Variants in DOK6 observed in about 807,000 individuals in gnomAD.
DOK6 encodes the protein docking protein 6.
DOK6 carries 22 observed loss-of-function variants against 44.0 expected under a neutral mutation model. The ratio of observed to expected loss-of-function variants is 0.50; its 90% confidence interval spans 0.36 to 0.71. The LOEUF is 0.71. DOK6 is among the 30% of genes least tolerant of loss of function. The pLI is 0.00. For missense variants in DOK6, 340 were observed against 416.4 expected, an observed-to-expected ratio of 0.82 and a Z score of 1.60; for synonymous variants, 166 against 145.5, an observed-to-expected ratio of 1.14 and a Z score of -1.01.
At chr18:69,729,280 G>A (rs941876598) in intron 5 of DOK6, among the ~76,000 whole-genome samples, 12 of 151,904 alleles carry the variant, frequency 7.9e-5, no homozygotes, top group South Asian at 6.2e-4. Context: ...GTTAAACCTC[G>A]CTTTGTTATT....
intron 5 of DOK6, among the ~76,000 whole-genome samples, chr18:69,727,161 G>C (rs1382751254): frequency 1.3e-5 from 2 of 152,122 alleles, no homozygotes; most frequent in Non-Finnish European, 2.9e-5. Flanking sequence ...ACCAGGCCTA[G>C]GTCTCTTTTA....
At chr18:69,553,278 GT>G (rs1225749910) in intron 1 of DOK6, among the ~76,000 whole-genome samples, 1 of 152,192 alleles carries the variant, frequency 6.6e-6, no homozygotes, top group Non-Finnish European at 1.5e-5. Context: ...TGTGCATAGT[GT>G]AAGTCTATTC....
At chr18:69,763,462 A>T (rs1979625448) in intron 7 of DOK6, among the ~76,000 whole-genome samples, 1 of 152,106 alleles carries the variant, frequency 6.6e-6, no homozygotes, top group Non-Finnish European at 1.5e-5. Context: ...ATGATTTTAA[A>T]CTCGCAACTC....
chr18:69,437,603 T>G (rs2122436205), intron 1 of DOK6, among the ~76,000 whole-genome samples: 1 of 152,312 alleles, frequency 6.6e-6, no homozygotes, highest in South Asian at 2.1e-4. Context: ...TCAGGTAGTG[T>G]GATGCCTCCA....
chr18:69,487,247 G>C (rs1392893943), intron 1 of DOK6, among the ~76,000 whole-genome samples: 1 of 151,058 alleles, frequency 6.6e-6, no homozygotes, highest in African/African-American at 2.4e-5. Context: ...GTGTGTGTTG[G>C]GGGGTATCAG....
chr18:69,547,172 C>A (rs1320760338), intron 1 of DOK6, among the ~76,000 whole-genome samples: 1 of 151,612 alleles, frequency 6.6e-6, no homozygotes, highest in African/African-American at 2.4e-5. Context: ...GTGATCTTGG[C>A]TCACTGCAAC....
In DOK6 at chr18:69,848,469, A is replaced by C. The variant is rs1298704709; in HGVS notation, c.*7086A>C. Reference sequence around the variant, plus strand: ...AATTTGGGGACATCTGTACTTAAAAACTAGCTGAACTACGTTTTGGGATGA... The same window carrying C: ...AATTTGGGGACATCTGTACTTAAAACCTAGCTGAACTACGTTTTGGGATGA... On this transcript the variant is annotated 3_prime_UTR_variant, in exon 8 of 8. Transcript: ENST00000382713. 1 of 152,200 alleles carries C rather than the reference A, an allele frequency of 6.6e-6. No homozygotes were observed. Among genetic ancestry groups the C allele is most frequent in the Admixed American group, 6.5e-5 (1 of 15,276 alleles). The allele number at this position is 152,200 out of a possible 1,614,324, so 9.4% of individuals were successfully genotyped here.
chr18:69,590,901 T>C (rs980197479), intron 2 of DOK6, among the ~76,000 whole-genome samples: 4 of 151,998 alleles, frequency 2.6e-5, no homozygotes, highest in African/African-American at 9.7e-5. Context: ...CAGGAGGAGG[T>C]TATACATGGA....
At chr18:69,453,749 C>T (rs1194815190) in intron 1 of DOK6, among the ~76,000 whole-genome samples, 1 of 55,942 alleles carries the variant, frequency 1.8e-5, no homozygotes, top group Non-Finnish European at 3.0e-5. Flanking sequence ...TCAGAAATAA[C>T]GCCGCATACC....
chr18:69,839,823 A>G (rs910480746), intron 7 of DOK6, among the ~76,000 whole-genome samples: 1 of 152,210 alleles, frequency 6.6e-6, no homozygotes, highest in African/African-American at 2.4e-5. Context: ...GTGGGGCAGG[A>G]GGTGCGAGGG....
intron 4 of DOK6, among the ~76,000 whole-genome samples, chr18:69,694,164 C>T (rs1424303678): frequency 6.6e-6 from 1 of 151,604 alleles, no homozygotes; most frequent in Non-Finnish European, 1.5e-5. Flanking sequence ...CCATTCAGTC[C>T]CCTCTCGTTC....
chr18:69,744,925 T>TAA (rs58133144), intron 6 of DOK6, among the ~76,000 whole-genome samples: 4,684 of 89,528 alleles, frequency 0.052, 218 homozygotes, highest in Middle Eastern at 0.095. Flanking sequence ...ACACTCCATC[T>TAA]AAAAAAAAAA....
intron 5 of DOK6, among the ~76,000 whole-genome samples, chr18:69,708,981 A>G (rs1179270502): frequency 6.6e-6 from 1 of 152,168 alleles, no homozygotes; most frequent in Non-Finnish European, 1.5e-5. Flanking sequence ...ACACCAGAGC[A>G]TGATTTTGTA....
chr18:69,566,237 C>T (rs1268063573), intron 2 of DOK6, among the ~76,000 whole-genome samples: 2 of 151,786 alleles, frequency 1.3e-5, no homozygotes, highest in Non-Finnish European at 2.9e-5. Flanking sequence ...TTCGGGTTCA[C>T]ACCATTCTCC....
chr18:69,649,100 G>A (rs1371553978), intron 3 of DOK6, among the ~76,000 whole-genome samples: 1 of 152,202 alleles, frequency 6.6e-6, no homozygotes, highest in African/African-American at 2.4e-5. Context: ...CACTGGAGAA[G>A]TCTGTGGATA....
At chr18:69,841,156 TA>T in intron 7 of DOK6, 87 bp from the exon 8 acceptor site, 1 of 1,506,210 alleles carries the variant, frequency 6.6e-7, no homozygotes, top group African/African-American at 1.4e-5. Flanking sequence ...AAAATATAGA[TA>T]GATAGATAAT....
intron 1 of DOK6, among the ~76,000 whole-genome samples, chr18:69,476,546 G>A (rs1441444216): frequency 6.6e-6 from 1 of 151,646 alleles, no homozygotes; most frequent in Non-Finnish European, 1.5e-5. Context: ...CTCTGGACAA[G>A]GCAGTTAATA....
intron 1 of DOK6, among the ~76,000 whole-genome samples, chr18:69,546,590 T>C (rs1409347856): frequency 6.6e-6 from 1 of 151,578 alleles, no homozygotes; most frequent in Non-Finnish European, 1.5e-5. Context: ...AATACAATCG[T>C]ATTTCACAGT....
chr18:69,669,456 GTATT>G (rs2144678734), intron 3 of DOK6, among the ~76,000 whole-genome samples: 1 of 152,332 alleles, frequency 6.6e-6, no homozygotes, highest in African/African-American at 2.4e-5. Context: ...TGGCTGCGCA[GTATT>G]TCATGATGTA....
Sources: allele counts gnomAD v4.1 joint callset (sites outside exome capture counted in the v4.1 genomes callset), GRCh38; gene constraint gnomAD v4.1.1; transcripts MANE v1.5; gene names NCBI Gene and HGNC (gene_info 2026-07-23, HGNC 2026-07-21).